NPSR1: variants seen among roughly 807,000 people sequenced by gnomAD.
NPSR1 encodes the protein neuropeptide S receptor.
NPSR1 carries 48 observed loss-of-function variants against 46.9 expected under a neutral mutation model. The ratio of observed to expected loss-of-function variants is 1.02; its 90% CI spans 0.81 to 1.30. The LOEUF is 1.30. Among genes scored for constraint, NPSR1 ranks in the 50% most tolerant of loss-of-function variants. The probability of loss-of-function intolerance (pLI) is 0.00; values close to 1 mark genes in which losing one functional copy is unlikely to be tolerated. For synonymous variants in NPSR1, 176 were observed against 168.1 expected (o/e 1.05, Z -0.36); for missense variants, 450 against 449.5 (o/e 1.00, Z -0.01).
chr7:34,822,946 C>G (rs904575811), intron 4 of NPSR1, among the ~76,000 whole-genome samples: 1 of 151,756 alleles, frequency 6.6e-6, no homozygotes, highest in African/African-American at 2.4e-5. Flanking sequence ...TATCCATAAA[C>G]AAACTTAAAA....
At position 34,824,255 on chromosome 7, in the gene NPSR1, G is replaced by A. The variant is rs150118249; in HGVS notation, c.479-3146G>A. Reference sequence around the variant, plus strand: ...TATAATCAATGTGTGTAACTTATACGATTTTATAAAAAGGTAAATGAGTTA... The same window carrying A: ...TATAATCAATGTGTGTAACTTATACAATTTTATAAAAAGGTAAATGAGTTA... On this transcript the variant is annotated intron_variant, in intron 4 of 8. Coordinates refer to ENST00000360581, the MANE Select transcript of NPSR1 (RefSeq NM_207172.2). Among the ~76,000 whole-genome samples, 458 of 152,132 alleles carry A rather than the reference G, an allele frequency of 3.0e-3. 2 individuals are homozygous for A. Among genetic ancestry groups the A allele is most frequent in the African/African-American group, 9.9e-3 (409 of 41,472 alleles).
At chr7:34,818,788 T>C (rs1442092851) in intron 4 of NPSR1, among the ~76,000 whole-genome samples, 1 of 152,182 alleles carries the variant, frequency 6.6e-6, no homozygotes, top group Middle Eastern at 3.2e-3. Context: ...ATCTGATCTT[T>C]GACAAACCTG....
At chr7:34,668,258 C>T (rs1791855783) in intron 1 of NPSR1, among the ~76,000 whole-genome samples, 1 of 152,168 alleles carries the variant, frequency 6.6e-6, no homozygotes, top group Non-Finnish European at 1.5e-5. Flanking sequence ...ATTGTGAGTG[C>T]TCAAATGCAG....
intron 2 of NPSR1, among the ~76,000 whole-genome samples, chr7:34,766,718 G>A (rs372831446): frequency 6.6e-6 from 1 of 151,854 alleles, no homozygotes; most frequent in Non-Finnish European, 1.5e-5. Flanking sequence ...GATTACAGGC[G>A]CCAGCCACCA....
intron 2 of NPSR1, among the ~76,000 whole-genome samples, chr7:34,770,530 G>T (rs1336096941): frequency 6.6e-6 from 1 of 152,144 alleles, no homozygotes; most frequent in Non-Finnish European, 1.5e-5. Context: ...TATACCATGT[G>T]AATGGTCAAG....
At chr7:34,695,658 T>C (rs920533244) in intron 2 of NPSR1, among the ~76,000 whole-genome samples, 6 of 152,176 alleles carry the variant, frequency 3.9e-5, no homozygotes, top group Non-Finnish European at 7.4e-5. Context: ...GAACAGACAT[T>C]TCTCAAAATT....
intron 5 of NPSR1, among the ~76,000 whole-genome samples, chr7:34,830,689 T>C (rs1263730031): frequency 6.6e-6 from 1 of 152,228 alleles, no homozygotes; most frequent in Non-Finnish European, 1.5e-5. Flanking sequence ...ATTGACGTAA[T>C]TAAGAAAAAA....
chr7:34,768,421 A>G (rs1383937279), intron 2 of NPSR1: 1 of 152,216 alleles, frequency 6.6e-6, no homozygotes, highest in Non-Finnish European at 1.5e-5. Context: ...AATTTTATCT[A>G]CAGAGAGATG....
intron 3 of NPSR1, among the ~76,000 whole-genome samples, chr7:34,804,489 A>C (rs990041908): frequency 2.0e-5 from 3 of 152,100 alleles, no homozygotes; most frequent in African/African-American, 7.2e-5. Flanking sequence ...ATTTATAATA[A>C]AAACTCAGCA....
intron 3 of NPSR1, 96 bp from the exon 4 acceptor site, chr7:34,811,667 TTCACCTC>T (rs1788992273): frequency 2.7e-6 from 2 of 731,208 alleles, no homozygotes; most frequent in South Asian, 3.8e-5. Context: ...CCTTCTTTGG[TTCACCTC>T]TCAGATTTCT....
chr7:34,798,611 TA>T (rs1427360208), intron 3 of NPSR1, among the ~76,000 whole-genome samples: 1 of 152,190 alleles, frequency 6.6e-6, no homozygotes, highest in Non-Finnish European at 1.5e-5. Context: ...TGAACTGAAC[TA>T]TTAATTAAAT....
At chr7:34,719,911 A>G (rs960117663) in intron 2 of NPSR1, 3 of 152,040 alleles carry the variant, frequency 2.0e-5, no homozygotes, top group Non-Finnish European at 2.9e-5. Flanking sequence ...TGTAAGGCAG[A>G]TGGAGCTGCA....
chr7:34,770,335 C>T lies in NPSR1; in HGVS notation c.281-8127C>T, dbSNP rs574572539. On this transcript the variant is annotated intron_variant, in intron 2 of 8. Transcript: ENST00000360581. ...CTCTCAATGACTGCTCACATCTGACCTTCTCAGTAAGGACTTTTCTTATAG... is the reference window on the plus strand; with the variant it reads ...CTCTCAATGACTGCTCACATCTGACTTTCTCAGTAAGGACTTTTCTTATAG... 3.3e-5 allele frequency among the ~76,000 whole-genome samples: 5 copies of T among 152,282 alleles called. No homozygotes were observed. In the South Asian group the frequency reaches 1.0e-3, roughly 32 times the overall value.
chr7:34,827,267 G>A, intron 4 of NPSR1, 134 bp from the exon 5 acceptor site: 1 of 658,636 alleles, frequency 1.5e-6, no homozygotes, highest in Non-Finnish European at 2.7e-6. Flanking sequence ...TACAGAGAAG[G>A]AAACTGAGGC....
At chr7:34,781,713 C>CCAACCA (rs1198611429) in intron 3 of NPSR1, among the ~76,000 whole-genome samples, 1 of 152,182 alleles carries the variant, frequency 6.6e-6, no homozygotes, top group African/African-American at 2.4e-5. Flanking sequence ...ACCACCTCTC[C>CCAACCA]CAACCATGTG....
At chr7:34,758,079 C>T (rs1785961262) in intron 2 of NPSR1, 1 of 152,608 alleles carries the variant, frequency 6.6e-6, no homozygotes, top group South Asian at 2.1e-4. Flanking sequence ...CTCACCAGGT[C>T]TATGCTTCAG....
intron 2 of NPSR1, among the ~76,000 whole-genome samples, chr7:34,734,454 T>C (rs1784576646): frequency 6.6e-6 from 1 of 152,050 alleles, no homozygotes; most frequent in Non-Finnish European, 1.5e-5. Flanking sequence ...TTGAACAGCA[T>C]GGATGATAGG....
intron 8 of NPSR1, among the ~76,000 whole-genome samples, chr7:34,866,200 A>G (rs1283371888): frequency 6.6e-6 from 1 of 151,816 alleles, no homozygotes; most frequent in Non-Finnish European, 1.5e-5. Flanking sequence ...GTGGATGCCG[A>G]TGGATTGGTC....
intron 2 of NPSR1, among the ~76,000 whole-genome samples, chr7:34,724,965 A>T (rs1416751477): frequency 6.6e-6 from 1 of 152,076 alleles, no homozygotes; most frequent in Non-Finnish European, 1.5e-5. Context: ...GATGAGGGAG[A>T]TGTTCAACGG....
Sources: allele counts gnomAD v4.1 joint callset (sites outside exome capture counted in the v4.1 genomes callset), GRCh38; gene constraint gnomAD v4.1.1; transcripts MANE v1.5; gene names NCBI Gene and HGNC (gene_info 2026-07-23, HGNC 2026-07-21).